DROSHA: variants seen among roughly 807,000 people sequenced by gnomAD.
DROSHA encodes drosha ribonuclease III, also known as ribonuclease 3.
A neutral mutation model predicts 181.9 loss-of-function variants in DROSHA; 56 were observed. The ratio of observed to expected loss-of-function variants is 0.31; its 90% confidence interval spans 0.25 to 0.38. DROSHA has a LOEUF of 0.38. Ranked by LOEUF, DROSHA falls within the 10% of genes least tolerant of loss-of-function variation. The pLI is 1.00. For missense variants in DROSHA, 1,218 were observed against 1,743.5 expected (o/e 0.70, Z 5.37); for synonymous variants, 524 against 591.2 (o/e 0.89, Z 1.65).
chr5:31,476,713 C>T (rs193101344), intron 16 of DROSHA, among the ~76,000 whole-genome samples: 40 of 152,196 alleles, frequency 2.6e-4, no homozygotes, highest in East Asian at 5.8e-4. Context: ...TTTTGGGGCT[C>T]GATTTCCATG....
At chr5:31,424,341 A>C in intron 28 of DROSHA, 86 bp downstream of exon 28, 2 of 1,489,312 alleles carry the variant, frequency 1.3e-6, no homozygotes, top group South Asian at 2.4e-5. Context: ...CAAAAGATAA[A>C]AGTGGGGAAG....
chr5:31,496,112 T>G (rs1029231991), intron 11 of DROSHA, among the ~76,000 whole-genome samples: 2 of 152,180 alleles, frequency 1.3e-5, no homozygotes, highest in Non-Finnish European at 2.9e-5. Flanking sequence ...GAGAGCTTGT[T>G]TGGCCTGTGA....
At chr5:31,482,636 A>G (rs1751163059) in intron 16 of DROSHA, among the ~76,000 whole-genome samples, 1 of 152,116 alleles carries the variant, frequency 6.6e-6, no homozygotes, top group Non-Finnish European at 1.5e-5. Flanking sequence ...AGTGAAGTTC[A>G]CCAGGCTGGT....
chr5:31,466,218 G>A lies in DROSHA; in HGVS notation c.2430C>T (p.Val810=). The A allele has an allele frequency of 6.2e-7, 1 of 1,613,636 alleles. No homozygotes were observed. Among genetic ancestry groups the A allele is most frequent in the Non-Finnish European group, 8.5e-7 (1 of 1,179,728 alleles). Residue 810 remains valine (V), a synonymous_variant, in exon 19 of 36, where the codon GTC becomes GTT. Coordinates refer to ENST00000344624, the MANE Select transcript of DROSHA (RefSeq NM_001382508.1). ...CCAGCTTCTGTTTGTCAGTTTGTTT[G>A]ACTTTGGGACTATTTGCTAGGAGGT... ...LRHLLANSPK[V]KQTDKQKLAQ...
At chr5:31,415,895 A>C (rs1296877152) in intron 30 of DROSHA, among the ~76,000 whole-genome samples, 1 of 152,162 alleles carries the variant, frequency 6.6e-6, no homozygotes, top group Non-Finnish European at 1.5e-5. Context: ...ACCAACCTAA[A>C]AACTAAAAAC....
rs938858058 is a variant in DROSHA at position 31,508,780 on chromosome 5, CAG to C, written c.1433-7_1433-6del. The C allele has an allele frequency of 4.0e-5, 64 of 1,608,930 alleles. No individual in the cohort carries two copies. Among genetic ancestry groups the C allele is most frequent in the Non-Finnish European group, 4.8e-5 (57 of 1,177,552 alleles). ...ACTCGGATTCACTGGAACTCTCTAACAGGGGTTGGGAGAAAAATACAGAAATT... is the reference window on the plus strand; with the variant it reads ...ACTCGGATTCACTGGAACTCTCTAACGGGTTGGGAGAAAAATACAGAAATT... On this transcript the variant is annotated splice_region_variant and splice_polypyrimidine_tract_variant and intron_variant, in intron 9 of 35. Coordinates refer to ENST00000344624, the MANE Select transcript of DROSHA (RefSeq NM_001382508.1).
intron 2 of DROSHA, 33 bp from the exon 3 acceptor site, chr5:31,530,957 T>G: frequency 2.5e-6 from 1 of 398,134 alleles, no homozygotes. Context: ...AAATGTTTAC[T>G]CTCTCACCAA....
At chr5:31,453,407 G>A (rs1336783386) in intron 20 of DROSHA, among the ~76,000 whole-genome samples, 1 of 152,080 alleles carries the variant, frequency 6.6e-6, no homozygotes, top group African/African-American at 2.4e-5. Context: ...TCGCCATGTT[G>A]CCCAGGTTGG....
intron 10 of DROSHA, among the ~76,000 whole-genome samples, chr5:31,506,588 G>C (rs546644375): frequency 6.6e-6 from 1 of 151,440 alleles, no homozygotes; most frequent in Non-Finnish European, 1.5e-5. Flanking sequence ...TAAGGCAGGA[G>C]AATCGCTTGA....
Position 31,409,514 on chromosome 5 carries a change from G to T in DROSHA, c.3668-182C>A. The T allele has an allele frequency of 1.7e-6, 1 of 589,256 alleles. No individual in the cohort carries two copies. Among genetic ancestry groups the T allele is most frequent in the Non-Finnish European group, 3.0e-6 (1 of 329,546 alleles). 36.5% of individuals were successfully genotyped at this position (589,256 alleles called of 1,614,324 possible). On this transcript the variant is annotated intron_variant, in intron 31 of 35. Coordinates refer to ENST00000344624, the MANE Select transcript of DROSHA (RefSeq NM_001382508.1). The surrounding 1 kb of genome is among the most constrained non-coding windows in gnomAD (Gnocchi z 4.0). ...ATCATTAATATCAGAAGCAGCAAGA[G>T]ATGTGTAAGATGCAAATCATAGAGT...
At position 31,464,261 on chromosome 5, in the gene DROSHA, G is replaced by A; in HGVS notation, c.2549C>T (p.Thr850Ile). The change falls in exon 20 of 36, where the codon ACT (threonine) becomes ATT (isoleucine). Residue 850 changes from threonine to isoleucine, a missense_variant. Physicochemically the swap from Thr to Ile is moderately conservative, Grantham distance 89 (BLOSUM62 -1). Transcript: ENST00000344624. ...CTGACAGACATCAGAACGGATGCCAGTTTTCCAGAATCCTTGGCTACTTAG... is the reference window on the plus strand; with the variant it reads ...CTGACAGACATCAGAACGGATGCCAATTTTCCAGAATCCTTGGCTACTTAG... The part of the protein sequence containing the change: ...VELSSQGFWK[T>I]GIRSDVCQHA... 6.2e-7 allele frequency: 1 copy of A among 1,613,428 alleles called. No individual in the cohort carries two copies. The highest frequency in any genetic ancestry group is 8.5e-7 in the Non-Finnish European group (1 of 1,179,638).
rs1268431634 is a variant in DROSHA at position 31,514,384 on chromosome 5, TA to T, written c.1290+603del. 6.6e-5 allele frequency among the ~76,000 whole-genome samples: 10 copies of T among 152,284 alleles called. No individual in the cohort carries two copies. The stretch of plus-strand genomic sequence containing the variant: ...GGCTGGGCACAGTGGCTCACACCTG[TA>T]ATCCCAGCACTTTGGGAGGCCAAGG... On this transcript the variant is annotated intron_variant, in intron 8 of 35. Coordinates refer to ENST00000344624, the MANE Select transcript of DROSHA (RefSeq NM_001382508.1). The surrounding 1 kb of genome is among the most constrained non-coding windows in gnomAD (Gnocchi z 4.4).
chr5:31,429,659 T>C (rs1276592771), intron 26 of DROSHA, 114 bp from the exon 27 acceptor site: 1 of 739,050 alleles, frequency 1.4e-6, no homozygotes, highest in African/African-American at 1.8e-5. Context: ...AGAAAACAAA[T>C]CAACATGTTC....
chr5:31,418,974 T>C (rs761496142), intron 30 of DROSHA, among the ~76,000 whole-genome samples: 1 of 152,138 alleles, frequency 6.6e-6, no homozygotes, highest in Non-Finnish European at 1.5e-5. Context: ...ATGAAACTGA[T>C]GACACACATT....
intron 16 of DROSHA, among the ~76,000 whole-genome samples, chr5:31,478,866 A>G (rs1750703620): frequency 6.6e-6 from 1 of 152,234 alleles, no homozygotes; most frequent in Non-Finnish European, 1.5e-5. Context: ...GGCCAACATC[A>G]TTCTGAATTT....
At chr5:31,466,884 G>A (rs1287368049) in intron 18 of DROSHA, among the ~76,000 whole-genome samples, 4 of 152,088 alleles carry the variant, frequency 2.6e-5, no homozygotes, top group Admixed American at 6.5e-5. Flanking sequence ...TGATAACCTA[G>A]ACCAGTCTAA....
chr5:31,515,324 C>T, intron 7 of DROSHA, 105 bp from the exon 8 acceptor site: 1 of 1,260,478 alleles, frequency 7.9e-7, no homozygotes, highest in Non-Finnish European at 1.1e-6. Context: ...ATATGAATAC[C>T]ATGCCAAATC....
intron 23 of DROSHA, among the ~76,000 whole-genome samples, chr5:31,440,282 G>A (rs3095825): frequency 0.85 from 129,769 of 152,252 alleles, 55,512 homozygotes; most frequent in East Asian, 0.97. Context: ...TTATCACTTC[G>A]TTTACAACAA....
In DROSHA at chr5:31,411,744, A is replaced by G. The variant is rs1231298609; in HGVS notation, c.3526-857T>C. Among the ~76,000 whole-genome samples the G allele has an allele frequency of 6.6e-6, 1 of 151,954 alleles. No individual in the cohort carries two copies. On this transcript the variant is annotated intron_variant, in intron 30 of 35. Coordinates refer to ENST00000344624, the MANE Select transcript of DROSHA (RefSeq NM_001382508.1). This position sits in a 1 kb window ranked among gnomAD's most constrained non-coding sequence, Gnocchi z 4.2. ...TGGACTCAAGCTATCCTCCCACCTCAGCCTCCCGAGTAGCTGTGACTATAG... is the reference window on the plus strand; with the variant it reads ...TGGACTCAAGCTATCCTCCCACCTCGGCCTCCCGAGTAGCTGTGACTATAG...
Sources: allele counts gnomAD v4.1 joint callset (sites outside exome capture counted in the v4.1 genomes callset), GRCh38; gene constraint gnomAD v4.1.1; non-coding constraint Gnocchi (gnomAD v3.1); transcripts MANE v1.5; gene names NCBI Gene and HGNC (gene_info 2026-07-23, HGNC 2026-07-21).